The following ZNF268 variants were observed in gnomAD, a reference collection of about 807,000 sequenced individuals.
ZNF268 encodes zinc finger protein 3.
In ZNF268, 20 loss-of-function variants were observed where a neutral mutation model predicts 29.3. The observed-to-expected ratio is 0.68, with a 90% CI of 0.48 to 0.99. The LOEUF is 0.99. Ranked by LOEUF, ZNF268 falls within the 50% of genes least tolerant of loss-of-function variation. ZNF268 has a pLI of 0.00. For missense variants in ZNF268, 1,240 were observed against 1,121.6 expected, an observed-to-expected ratio of 1.11 and a Z score of -1.51; for synonymous variants, 429 against 376.9, an observed-to-expected ratio of 1.14 and a Z score of -1.60.
chr12:133,213,272 C>G lies in ZNF268; in HGVS notation c.*8742C>G, dbSNP rs1235004350. On this transcript the variant is annotated 3_prime_UTR_variant, in exon 6 of 6. Coordinates refer to ENST00000536435, the MANE Select transcript of ZNF268 (RefSeq NM_003415.3). ...AAATCTTTTCATGTACTTCTTGGCA[C>G]TGGATTTGGCAATGATTTATTGGAT... 3.3e-5 allele frequency: 5 copies of G among 152,086 alleles called. No homozygotes were observed. Among genetic ancestry groups the G allele is most frequent in the Admixed American group, 2.0e-4 (3 of 15,276 alleles). The allele number at this position is 152,086 out of a possible 1,614,324, so 9.4% of individuals were successfully genotyped here. A position where few individuals can be genotyped will look rare whatever the true frequency, so the allele number is the denominator to read the frequency against.
rs1183113395 is a variant in ZNF268, at chr12:133,181,815, G to T, written c.-53+129G>T. 1.2e-5 allele frequency: 8 copies of T among 644,500 alleles called. No individual in the cohort carries two copies. The Admixed American group carries it at 2.0e-4, about 16-fold the overall frequency. 39.9% of individuals were successfully genotyped at this position (644,500 alleles called of 1,614,324 possible). On this transcript the variant is annotated intron_variant, in intron 1 of 5. Transcript: ENST00000536435. ...GTGTTGGTGAGGGTGTGGAGATGGT[G>T]AATCCCGTGCTGTGGGAGGGAAGGA...
At chr12:133,201,337 G>A (rs1956747699) in intron 5 of ZNF268, among the ~76,000 whole-genome samples, 1 of 151,698 alleles carries the variant, frequency 6.6e-6, no homozygotes, top group South Asian at 2.1e-4. Context: ...TTTTATCCTG[G>A]GATCTCCTCT....
Position 133,211,997 on chromosome 12 carries a change from C to A in ZNF268, c.*7467C>A, listed in dbSNP as rs140817329. ...AGGATAACCTTCAATAGGTGAATGA[C>A]TAACTAGGCTGGGGTACATCCATGC... is the stretch of plus-strand genomic sequence containing the variant. On this transcript the variant is annotated 3_prime_UTR_variant, in exon 6 of 6. Coordinates refer to ENST00000536435, the MANE Select transcript of ZNF268 (RefSeq NM_003415.3). The A allele has an allele frequency of 0.66, 99,685 of 152,070 alleles. 33,100 individuals carry two copies. Among genetic ancestry groups the A allele is most frequent in the East Asian group, 0.91 (4,722 of 5,168 alleles). 9.4% of individuals were successfully genotyped at this position (152,070 alleles called of 1,614,324 possible). A position where few individuals can be genotyped will look rare whatever the true frequency, so the allele number is the denominator to read the frequency against.
In ZNF268 at chr12:133,193,535, T is replaced by G. The variant is rs369489102; in HGVS notation, c.457+1532T>G. The G allele has an allele frequency of 5.6e-5, 38 of 680,100 alleles. No individual in the cohort carries two copies. In the African/African-American group the frequency reaches 6.4e-4, roughly 11 times the overall value. 42.1% of individuals were successfully genotyped at this position (680,100 alleles called of 1,614,324 possible). ...GCCTTGTTGCTGCATCCTCTGGAGG[T>G]GAGGAACACTGTGGGACAGAAAGAG... On this transcript the variant is annotated intron_variant, in intron 5 of 5. Transcript: ENST00000536435.
At position 133,206,878 on chromosome 12, in the gene ZNF268, T is replaced by C. The variant is rs1033810710; in HGVS notation, c.*2348T>C. ...ATACTGTAAAGGTGTATATTATTATTGATGTACCAAAGAAGACAGAATAAA... is the reference window on the plus strand; with the variant it reads ...ATACTGTAAAGGTGTATATTATTATCGATGTACCAAAGAAGACAGAATAAA... On this transcript the variant is annotated 3_prime_UTR_variant, in exon 6 of 6. Coordinates refer to ENST00000536435, the MANE Select transcript of ZNF268 (RefSeq NM_003415.3). 1 of 152,210 alleles carries C rather than the reference T, an allele frequency of 6.6e-6. No individual in the cohort carries two copies. Among genetic ancestry groups the C allele is most frequent in the African/African-American group, 2.4e-5 (1 of 41,440 alleles). 9.4% of individuals were successfully genotyped at this position (152,210 alleles called of 1,614,324 possible).
At position 133,204,194 on chromosome 12, in the gene ZNF268, T is replaced by G. The variant is rs996407431; in HGVS notation, c.2508T>G (p.Tyr836Ter). The change falls in exon 6 of 6, where the codon TAT (tyrosine) becomes TAG (stop). Residue 836 changes from tyrosine (Y) to a stop codon, truncating the protein, a stop_gained. Transcript: ENST00000536435. LOFTEE classifies it low-confidence loss of function (END_TRUNC). ...GAACTCATGCAGGGGTCAACCCTTA[T>G]AAATGCAGTCAATGTGAGAAATCCT... ...HERTHAGVNP[Y>*]KCSQCEKSFS... 5.2e-6 allele frequency: 8 copies of G among 1,540,642 alleles called. No individual in the cohort carries two copies. Among genetic ancestry groups the G allele is most frequent in the Admixed American group, 2.0e-5 (1 of 51,006 alleles).
intron 5 of ZNF268, among the ~76,000 whole-genome samples, chr12:133,194,463 G>T (rs923447553): frequency 6.6e-6 from 1 of 152,162 alleles, no homozygotes; most frequent in African/African-American, 2.4e-5. Flanking sequence ...GGCTCTTGCA[G>T]TTCTAGTTGA....
chr12:133,184,741 T>A (rs1325054882), intron 2 of ZNF268: 2 of 447,964 alleles, frequency 4.5e-6, no homozygotes. Flanking sequence ...CTCAGCCTCC[T>A]GAGTAGCTGG....
chr12:133,198,131 A>G (rs975158684), intron 5 of ZNF268, among the ~76,000 whole-genome samples: 17 of 150,056 alleles, frequency 1.1e-4, no homozygotes, highest in African/African-American at 4.2e-4. Context: ...CTGAATGGTA[A>G]TGCCTGGGTT....
chr12:133,187,833 ATAAT>A, intron 2 of ZNF268, 35 bp from the exon 3 acceptor site: 1 of 1,545,268 alleles, frequency 6.5e-7, no homozygotes, highest in Non-Finnish European at 8.8e-7. Flanking sequence ...CCCAAAGGAA[ATAAT>A]GCTCGCTAAA....
chr12:133,200,608 CTATT>C (rs774011468), intron 5 of ZNF268, among the ~76,000 whole-genome samples: 29 of 152,084 alleles, frequency 1.9e-4, no homozygotes, highest in African/African-American at 6.7e-4. Context: ...GGGCATCTAT[CTATT>C]TTCTACTCAA....
chr12:133,213,834 C>T lies in ZNF268; in HGVS notation c.*9304C>T, dbSNP rs997889389. 1 of 151,690 alleles carries T rather than the reference C, an allele frequency of 6.6e-6. No homozygotes were observed. Among genetic ancestry groups the T allele is most frequent in the Non-Finnish European group, 1.5e-5 (1 of 67,934 alleles). 9.4% of individuals were successfully genotyped at this position (151,690 alleles called of 1,614,324 possible). ...CTAATGTGGTGAAACCCTGTCTCTACAAAAAAATACAAAAAATTAGCCAGG... is the reference window on the plus strand; with the variant it reads ...CTAATGTGGTGAAACCCTGTCTCTATAAAAAAATACAAAAAATTAGCCAGG... On this transcript the variant is annotated 3_prime_UTR_variant, in exon 6 of 6. Coordinates refer to ENST00000536435, the MANE Select transcript of ZNF268 (RefSeq NM_003415.3).
chr12:133,209,919 T>TCA lies in ZNF268; in HGVS notation c.*5389_*5390insCA, dbSNP rs1956953935. ...CATCCCCAACTTTGACCTGGACTGT[T>TCA]GCAGTGTTTTGTCGCAGTGTTTCTC... On this transcript the variant is annotated 3_prime_UTR_variant, in exon 6 of 6. Coordinates refer to ENST00000536435, the MANE Select transcript of ZNF268 (RefSeq NM_003415.3). The TCA allele has an allele frequency of 6.6e-6, 1 of 152,236 alleles. No homozygotes were observed. Among genetic ancestry groups the TCA allele is most frequent in the African/African-American group, 2.4e-5 (1 of 41,450 alleles). The allele number at this position is 152,236 out of a possible 1,614,324, so 9.4% of individuals were successfully genotyped here.
At chr12:133,199,216 A>G (rs1423134591) in intron 5 of ZNF268, among the ~76,000 whole-genome samples, 1 of 152,190 alleles carries the variant, frequency 6.6e-6, no homozygotes, top group Admixed American at 6.5e-5. Flanking sequence ...TCTCATCAAT[A>G]CCTAATTTAT....
Position 133,191,572 on chromosome 12 carries a change from C to T in ZNF268, c.318C>T (p.Tyr106=), listed in dbSNP as rs1401411879. 6.2e-7 allele frequency: 1 copy of T among 1,613,938 alleles called. No homozygotes were observed. Among genetic ancestry groups the T allele is most frequent in the African/African-American group, 1.3e-5 (1 of 74,908 alleles). ...QLLDPAQKCL[Y]RSVMLENYSN... is the part of the protein sequence containing the mutation. ...TAGACCCAGCACAGAAGTGCCTGTACAGGAGTGTGATGTTGGAGAACTATA... is the reference window on the plus strand; with the variant it reads ...TAGACCCAGCACAGAAGTGCCTGTATAGGAGTGTGATGTTGGAGAACTATA... Residue 106 remains tyrosine, a synonymous_variant, in exon 4 of 6, where the codon TAC becomes TAT. Coordinates refer to ENST00000536435, the MANE Select transcript of ZNF268 (RefSeq NM_003415.3).
intron 5 of ZNF268, among the ~76,000 whole-genome samples, chr12:133,196,023 TA>T (rs760775058): frequency 0.23 from 27,778 of 120,322 alleles, 3,066 homozygotes; most frequent in African/African-American, 0.31. Flanking sequence ...CCTGTCTCTT[TA>T]AAAAAAAAAA....
chr12:133,183,974 C>A (rs903467686), intron 2 of ZNF268, among the ~76,000 whole-genome samples: 2 of 152,226 alleles, frequency 1.3e-5, no homozygotes, highest in Non-Finnish European at 2.9e-5. Context: ...TTGTCTTAGT[C>A]TGTTTGTGCT....
rs1157549835 is a variant in ZNF268 at position 133,210,469 on chromosome 12, C to T, written c.*5939C>T. On this transcript the variant is annotated 3_prime_UTR_variant, in exon 6 of 6. Coordinates refer to ENST00000536435, the MANE Select transcript of ZNF268 (RefSeq NM_003415.3). ...AGAACCTCACTGTGGATTTGCCCCA[C>T]TAGGGTCCCTAGGTCAGTCCTGAAG... 2.5e-5 allele frequency: 5 copies of T among 203,124 alleles called. No individual in the cohort carries two copies. The South Asian group carries it at 3.5e-4, about 14-fold the overall frequency. The allele number at this position is 203,124 out of a possible 1,614,324, so 12.6% of individuals were successfully genotyped here.
rs1421883882 is a variant in ZNF268 at position 133,203,597 on chromosome 12, G to A, written c.1911G>A (p.Glu637=). 1 of 1,570,052 alleles carries A rather than the reference G, an allele frequency of 6.4e-7. No homozygotes were observed. Among genetic ancestry groups the A allele is most frequent in the East Asian group, 2.3e-5 (1 of 42,618 alleles). Residue 637 remains glutamate (E), a synonymous_variant, in exon 6 of 6, where the codon GAG becomes GAA. Transcript: ENST00000536435. ...LIVHQRTHTG[E]KPYSCNECGK... is the part of the protein sequence containing the mutation. ...TACATCAGAGAACTCATACAGGAGA[G>A]AAACCCTATAGTTGTAATGAATGTG...
Sources: gnomAD v4.1 joint callset for allele counts (sites outside exome capture counted in the v4.1 genomes callset) on GRCh38, gnomAD v4.1.1 for gene constraint, MANE v1.5 for transcripts, NCBI Gene and HGNC (gene_info 2026-07-23, HGNC 2026-07-21) for gene names.